BCAS3: variants seen among roughly 807,000 people sequenced by gnomAD.
BCAS3 encodes the protein BCAS4/BCAS3 fusion.
A neutral mutation model predicts 116.1 loss-of-function variants in BCAS3; 53 were observed. That is an observed-to-expected ratio of 0.46 (90% CI 0.37 to 0.57). The LOEUF (loss-of-function observed/expected upper bound fraction) is 0.57, where lower values mean the gene tolerates loss of function less well. Ranked by LOEUF, BCAS3 falls within the 20% of genes least tolerant of loss-of-function variation. The probability of loss-of-function intolerance (pLI) is 0.00; values close to 1 mark genes in which losing one functional copy is unlikely to be tolerated. For synonymous variants in BCAS3, 391 were observed against 408.2 expected (o/e 0.96, Z 0.51); for missense variants, 917 against 1,165.4 (o/e 0.79, Z 3.10).
At chr17:61,357,696 C>T (rs1359381013) in intron 22 of BCAS3, among the ~76,000 whole-genome samples, 2 of 149,716 alleles carry the variant, frequency 1.3e-5, no homozygotes, top group Non-Finnish European at 3.0e-5. Context: ...CCCACCTCAG[C>T]CTCCCAAAGT....
chr17:60,875,532 A>G (rs79752065), intron 9 of BCAS3, among the ~76,000 whole-genome samples: 2,646 of 152,240 alleles, frequency 0.017, 72 homozygotes, highest in East Asian at 0.092. Flanking sequence ...CATATATGAC[A>G]GAGAAAAGAG....
chr17:60,916,454 T>A (rs2058783763), intron 12 of BCAS3, among the ~76,000 whole-genome samples: 2 of 152,124 alleles, frequency 1.3e-5, no homozygotes, highest in Admixed American at 1.3e-4. Flanking sequence ...CACTCGCAGA[T>A]CAACTCTTAA....
In BCAS3 at chr17:60,960,678, A is replaced by G. The variant is rs1055936433; in HGVS notation, c.1221+13326A>G. Among the ~76,000 whole-genome samples the G allele has an allele frequency of 6.6e-6, 1 of 151,828 alleles. No individual in the cohort carries two copies. Among genetic ancestry groups the G allele is most frequent in the Admixed American group, 6.6e-5 (1 of 15,228 alleles). ...TCTCTGCCCTTGGAGTCATTCATACATTTTATTGAAGGGTAGCACAGGTTT... is the reference window on the plus strand; with the variant it reads ...TCTCTGCCCTTGGAGTCATTCATACGTTTTATTGAAGGGTAGCACAGGTTT... On this transcript the variant is annotated intron_variant, in intron 14 of 23. Coordinates refer to ENST00000407086, the MANE Select transcript of BCAS3 (RefSeq NM_017679.5). The surrounding 1 kb of genome is among the most constrained non-coding windows in gnomAD (Gnocchi z 4.1).
In BCAS3 at chr17:60,866,622, T is replaced by G. The variant is rs138705726; in HGVS notation, c.477-1954T>G. On this transcript the variant is annotated intron_variant, in intron 7 of 23. Transcript: ENST00000407086. ...TGTATGATAGGTATAATTTTTTGTT[T>G]TGAGGATTTTCTTTGCAAGAAGTTA... 2.0e-5 allele frequency among the ~76,000 whole-genome samples: 3 copies of G among 152,316 alleles called. No homozygotes were observed. In the East Asian group the frequency reaches 5.8e-4, roughly 29 times the overall value.
chr17:61,294,343 A>G lies in BCAS3; in HGVS notation c.2426-73984A>G, dbSNP rs191570002. Among the ~76,000 whole-genome samples the G allele has an allele frequency of 2.6e-5, 4 of 152,218 alleles. No individual in the cohort carries two copies. In the East Asian group the frequency reaches 7.7e-4, roughly 29 times the overall value. On this transcript the variant is annotated intron_variant, in intron 22 of 23. Transcript: ENST00000407086. ...TCCCTCTTTATTTGAGGGACAAGGA[A>G]CTTCCCACCAGCCTAGGGAAAATCA...
rs987330380 is a variant in BCAS3 at position 61,392,282 on chromosome 17, G to T, written c.*157G>T. 2 of 888,206 alleles carry T rather than the reference G, an allele frequency of 2.3e-6. No homozygotes were observed. The highest frequency in any genetic ancestry group is 2.9e-5 in the Admixed American group (1 of 34,296). 55.0% of individuals were successfully genotyped at this position (888,206 alleles called of 1,614,324 possible). A position where few individuals can be genotyped will look rare whatever the true frequency, so the allele number is the denominator to read the frequency against. ...CCGCCCATCCTACCTGGATGGAGAA[G>T]AGACCCTTCTCCAAGCACCTCAGCG... On this transcript the variant is annotated 3_prime_UTR_variant, in exon 24 of 24. Coordinates refer to ENST00000407086, the MANE Select transcript of BCAS3 (RefSeq NM_017679.5). The surrounding 1 kb of genome is among the most constrained non-coding windows in gnomAD (Gnocchi z 6.4).
intron 9 of BCAS3, among the ~76,000 whole-genome samples, chr17:60,879,640 A>G (rs1447808219): frequency 6.6e-6 from 1 of 152,256 alleles, no homozygotes; most frequent in Non-Finnish European, 1.5e-5. Flanking sequence ...GTAGATATGA[A>G]GTCTCCAGAG....
intron 6 of BCAS3, among the ~76,000 whole-genome samples, chr17:60,774,063 C>T (rs1389511663): frequency 1.3e-5 from 2 of 152,120 alleles, no homozygotes; most frequent in Non-Finnish European, 2.9e-5. Flanking sequence ...TTTTACAAAC[C>T]GTATTAAAAT....
At chr17:60,782,245 T>C (rs578160099) in intron 6 of BCAS3, among the ~76,000 whole-genome samples, 2 of 152,260 alleles carry the variant, frequency 1.3e-5, no homozygotes, top group African/African-American at 4.8e-5. Flanking sequence ...AATTGCCTGC[T>C]GTATTGAGTT....
intron 7 of BCAS3, among the ~76,000 whole-genome samples, chr17:60,827,642 T>C (rs1413487572): frequency 2.0e-5 from 3 of 152,228 alleles, no homozygotes; most frequent in African/African-American, 7.2e-5. Flanking sequence ...TTTTGACATC[T>C]GTATATGTCC....
chr17:61,350,414 C>CAGTAAATA lies in BCAS3; in HGVS notation c.2426-17912_2426-17911insGTAAATAA, dbSNP rs137912275. ...TGGGCGACAGAGCGAGACTCTGTCT[C>CAGTAAATA]AATAAATAAATAAATAAATAAATAA... On this transcript the variant is annotated intron_variant, in intron 22 of 23. Transcript: ENST00000407086. Among the ~76,000 whole-genome samples, 390 of 136,760 alleles carry CAGTAAATA rather than the reference C, an allele frequency of 2.9e-3. 2 individuals are homozygous for CAGTAAATA. Among genetic ancestry groups the CAGTAAATA allele is most frequent in the African/African-American group, 9.9e-3 (370 of 37,368 alleles). 89.7% of individuals were successfully genotyped at this position (136,760 alleles called of 152,430 possible).
At chr17:60,801,327 T>C (rs997527588) in intron 6 of BCAS3, among the ~76,000 whole-genome samples, 3 of 152,192 alleles carry the variant, frequency 2.0e-5, no homozygotes, top group African/African-American at 7.2e-5. Flanking sequence ...TATATACTTT[T>C]GTATGCTGAT....
rs1317389927 is a variant in BCAS3, at chr17:61,302,652, C to G, written c.2426-65675C>G. ...GCTAAGGAAACTAAGATTTAGGTTA[C>G]ATTGATGAGTGACAGAATTCTAGAA... On this transcript the variant is annotated intron_variant, in intron 22 of 23. Transcript: ENST00000407086. This position sits in a 1 kb window ranked among gnomAD's most constrained non-coding sequence, Gnocchi z 4.4. 6.6e-6 allele frequency among the ~76,000 whole-genome samples: 1 copy of G among 152,268 alleles called. No individual in the cohort carries two copies. Among genetic ancestry groups the G allele is most frequent in the East Asian group, 1.9e-4 (1 of 5,192 alleles).
chr17:61,081,989 A>T (rs931670090), intron 21 of BCAS3, among the ~76,000 whole-genome samples: 1 of 152,164 alleles, frequency 6.6e-6, no homozygotes, highest in African/African-American at 2.4e-5. Flanking sequence ...GTGCAGTGAT[A>T]ATCTTCCTCC....
At chr17:60,793,241 C>T (rs1433558597) in intron 6 of BCAS3, among the ~76,000 whole-genome samples, 1 of 151,894 alleles carries the variant, frequency 6.6e-6, no homozygotes, top group Non-Finnish European at 1.5e-5. Flanking sequence ...GGATTACAGG[C>T]ACCTGCCACC....
Position 61,131,516 on chromosome 17 carries a change from TTAAG to T in BCAS3, c.2425+46955_2425+46958del, listed in dbSNP as rs1336562032. 2.0e-5 allele frequency among the ~76,000 whole-genome samples: 3 copies of T among 152,246 alleles called. No homozygotes were observed. Among genetic ancestry groups the T allele is most frequent in the Non-Finnish European group, 2.9e-5 (2 of 68,032 alleles). ...ATGAAATTATATTCCAAACTCATAA[TTAAG>T]TATGAACAATTTGCATTTGAGATTT... On this transcript the variant is annotated intron_variant, in intron 22 of 23. Transcript: ENST00000407086. This position sits in a 1 kb window ranked among gnomAD's most constrained non-coding sequence, Gnocchi z 4.4.
chr17:60,887,774 A>G (rs2056829105), intron 9 of BCAS3, among the ~76,000 whole-genome samples: 1 of 152,120 alleles, frequency 6.6e-6, no homozygotes, highest in South Asian at 2.1e-4. Flanking sequence ...TGTTTTTTGA[A>G]ATGAATTCAG....
intron 7 of BCAS3, among the ~76,000 whole-genome samples, chr17:60,825,480 A>C (rs1323230709): frequency 1.3e-5 from 2 of 148,702 alleles, no homozygotes; most frequent in East Asian, 3.9e-4. Flanking sequence ...AATACCACAA[A>C]CTTGGTAATT....
At position 61,391,624 on chromosome 17, in the gene BCAS3, G is replaced by A. The variant is rs1318023856; in HGVS notation, c.2594-353G>A. Reference sequence around the variant, plus strand: ...GGACAGAAGGCACTGTGGAGTTGGGGGCATGCTGGCTGAGCATGAGTGTGT... The same window carrying A: ...GGACAGAAGGCACTGTGGAGTTGGGAGCATGCTGGCTGAGCATGAGTGTGT... On this transcript the variant is annotated intron_variant, in intron 23 of 23. Coordinates refer to ENST00000407086, the MANE Select transcript of BCAS3 (RefSeq NM_017679.5). This position sits in a 1 kb window ranked among gnomAD's most constrained non-coding sequence, Gnocchi z 7.7. 4.9e-6 allele frequency: 1 copy of A among 202,290 alleles called. No individual in the cohort carries two copies. Among genetic ancestry groups the A allele is most frequent in the African/African-American group, 2.3e-5 (1 of 42,892 alleles). The allele number at this position is 202,290 out of a possible 1,614,324, so 12.5% of individuals were successfully genotyped here. A position where few individuals can be genotyped will look rare whatever the true frequency, so the allele number is the denominator to read the frequency against.
Sources: allele counts gnomAD v4.1 joint callset (sites outside exome capture counted in the v4.1 genomes callset), GRCh38; gene constraint gnomAD v4.1.1; non-coding constraint Gnocchi (gnomAD v3.1); transcripts MANE v1.5; gene names NCBI Gene and HGNC (gene_info 2026-07-23, HGNC 2026-07-21).